XYLB: variants seen among roughly 807,000 people sequenced by gnomAD.
The protein encoded by XYLB is xylulose kinase.
XYLB carries 62 observed loss-of-function variants against 78.7 expected under a neutral mutation model. The ratio of observed to expected loss-of-function variants is 0.79; its 90% CI spans 0.64 to 0.97. XYLB has a LOEUF of 0.97. Ranked by LOEUF, XYLB falls within the 50% of genes least tolerant of loss-of-function variation. The pLI is 0.00. For missense variants in XYLB, 687 were observed against 676.8 expected (o/e 1.02, Z -0.17); for synonymous variants, 245 against 247.4 (o/e 0.99, Z 0.09).
intron 18 of XYLB, among the ~76,000 whole-genome samples, chr3:38,406,843 A>G (rs1708343719): frequency 6.6e-6 from 1 of 152,222 alleles, no homozygotes; most frequent in Non-Finnish European, 1.5e-5. Context: ...AAAAAGAATA[A>G]AAAGAAACAA....
At chr3:38,431,246 G>A in the XYLB span, among the ~76,000 whole-genome samples, 1 of 152,128 alleles carries the variant, frequency 6.6e-6, no homozygotes, top group Admixed American at 6.5e-5. Flanking sequence ...GTGGTTTGTA[G>A]TTCTCCTTGA....
intron 2 of XYLB, among the ~76,000 whole-genome samples, chr3:38,354,706 A>G (rs1355275999): frequency 6.7e-6 from 1 of 148,592 alleles, no homozygotes; most frequent in Admixed American, 6.7e-5. Flanking sequence ...TTTCACCATA[A>G]TTGGTCAGGC....
chr3:38,382,942 T>C (rs1428596151), intron 15 of XYLB, among the ~76,000 whole-genome samples: 1 of 152,270 alleles, frequency 6.6e-6, no homozygotes, highest in Non-Finnish European at 1.5e-5. Context: ...CCAACAGAGG[T>C]TGCACGCACG....
chr3:38,379,188 C>A, intron 14 of XYLB, 58 bp from the exon 15 acceptor site: 3 of 1,545,452 alleles, frequency 1.9e-6, no homozygotes, highest in Admixed American at 3.3e-5. Flanking sequence ...CACACACATA[C>A]ACACACGAAT....
At chr3:38,391,072 A>G (rs1707630923) in intron 15 of XYLB, among the ~76,000 whole-genome samples, 1 of 152,050 alleles carries the variant, frequency 6.6e-6, no homozygotes, top group African/African-American at 2.4e-5. Context: ...ACACAAAATT[A>G]GCCAGGCATG....
intron 2 of XYLB, among the ~76,000 whole-genome samples, chr3:38,351,178 A>AAAAAAAAAAAAAAAAAAAAAAAAAC: frequency 6.9e-6 from 1 of 144,340 alleles, no homozygotes; most frequent in Non-Finnish European, 1.5e-5. Context: ...TCTCAAAAAA[A>AAAAAAAAAAAAAAAAAAAAAAAAAC]AAAAAAAAAA....
chr3:38,412,043 T>G (rs969296915), intron 18 of XYLB, among the ~76,000 whole-genome samples: 2 of 150,458 alleles, frequency 1.3e-5, no homozygotes, highest in African/African-American at 2.4e-5. Flanking sequence ...CAGGCTGGAG[T>G]GCAGTGGTGC....
intron 2 of XYLB, among the ~76,000 whole-genome samples, chr3:38,352,122 A>T (rs74956149): frequency 0.032 from 4,849 of 152,310 alleles, 115 homozygotes; most frequent in African/African-American, 0.062. Flanking sequence ...TAAGAAAAAA[A>T]ATTTTATATT....
chr3:38,405,150 A>G (rs1177903764), intron 18 of XYLB, among the ~76,000 whole-genome samples: 1 of 152,154 alleles, frequency 6.6e-6, no homozygotes, highest in Non-Finnish European at 1.5e-5. Context: ...TGTATATATA[A>G]TTTTGTAGCT....
chr3:38,431,166 T>C, the XYLB span, among the ~76,000 whole-genome samples: 7 of 152,180 alleles, frequency 4.6e-5, no homozygotes, highest in East Asian at 1.2e-3. Context: ...TTTTCCAGTA[T>C]TGATTCTTCC....
intron 4 of XYLB, 89 bp downstream of exon 4, chr3:38,363,106 G>A (rs945131910): frequency 6.3e-6 from 7 of 1,111,286 alleles, no homozygotes; most frequent in Non-Finnish European, 7.2e-6. Context: ...CCCTTGGATG[G>A]GGAGCGGCTC....
chr3:38,405,371 TAAAAA>T (rs1192762406), intron 18 of XYLB, among the ~76,000 whole-genome samples: 1 of 94,662 alleles, frequency 1.1e-5, no homozygotes, highest in Non-Finnish European at 2.1e-5. Context: ...CTCATCTCTT[TAAAAA>T]AAAAAAAAAA....
chr3:38,385,845 G>A (rs774748473), intron 15 of XYLB, among the ~76,000 whole-genome samples: 10 of 152,130 alleles, frequency 6.6e-5, no homozygotes, highest in Non-Finnish European at 1.3e-4. Context: ...ATTGCTACTG[G>A]GATGATGCTG....
At chr3:38,418,958 A>G (rs893170962), downstream of XYLB, among the ~76,000 whole-genome samples, 6 of 152,138 alleles carry the variant, frequency 3.9e-5, no homozygotes, top group African/African-American at 1.4e-4. Context: ...CATTAGGTAT[A>G]TTACCAATAT....
intron 15 of XYLB, among the ~76,000 whole-genome samples, chr3:38,389,799 C>T (rs1707573776): frequency 6.6e-6 from 1 of 152,194 alleles, no homozygotes; most frequent in Non-Finnish European, 1.5e-5. Context: ...ACTTCCACAT[C>T]ACTGCTTCCA....
At chr3:38,387,448 C>T (rs989064655) in intron 15 of XYLB, among the ~76,000 whole-genome samples, 1 of 151,974 alleles carries the variant, frequency 6.6e-6, no homozygotes, top group Non-Finnish European at 1.5e-5. Flanking sequence ...TCGGCTCACT[C>T]CAACCTCCAC....
chr3:38,372,332 TC>T (rs1292881011), intron 9 of XYLB: 1 of 957,432 alleles, frequency 1.0e-6, no homozygotes, highest in African/African-American at 1.8e-5. Flanking sequence ...TAATGCTATA[TC>T]CAGAATTTGG....
At chr3:38,409,936 A>G (rs531677165) in intron 18 of XYLB, among the ~76,000 whole-genome samples, 1 of 152,368 alleles carries the variant, frequency 6.6e-6, no homozygotes, top group East Asian at 1.9e-4. Context: ...AGGAATCAAT[A>G]TCACGAAAAT....
the XYLB span, among the ~76,000 whole-genome samples, chr3:38,448,829 C>T: frequency 6.6e-6 from 1 of 152,098 alleles, no homozygotes; most frequent in Non-Finnish European, 1.5e-5. Flanking sequence ...CTGAGTTTTC[C>T]ATGAAGACTC....
Sources: gnomAD v4.1 joint callset for allele counts (sites outside exome capture counted in the v4.1 genomes callset) on GRCh38, gnomAD v4.1.1 for gene constraint, MANE v1.5 for transcripts, NCBI Gene and HGNC (gene_info 2026-07-23, HGNC 2026-07-21) for gene names.